SPAG16: variants seen among roughly 807,000 people sequenced by gnomAD.
SPAG16 encodes the protein sperm-associated antigen 16 protein.
A neutral mutation model predicts 80.4 loss-of-function variants in SPAG16; 86 were observed. The ratio of observed to expected loss-of-function variants is 1.07; its 90% CI spans 0.90 to 1.28. The LOEUF is 1.28. Ranked by LOEUF, SPAG16 falls within the 50% of genes most tolerant of loss-of-function variation. The pLI, the probability that SPAG16 is intolerant of heterozygous loss-of-function variation, is 0.00. For missense variants in SPAG16, 870 were observed against 765.3 expected (o/e 1.14, Z -1.61); for synonymous variants, 294 against 265.9 (o/e 1.11, Z -1.03).
At chr2:213,676,499 G>A (rs1169443150) in intron 10 of SPAG16, among the ~76,000 whole-genome samples, 2 of 151,590 alleles carry the variant, frequency 1.3e-5, no homozygotes, top group Non-Finnish European at 2.9e-5. Context: ...TGCCCATTCA[G>A]TATGATATTG....
chr2:213,566,432 T>A (rs1390347744), intron 10 of SPAG16, among the ~76,000 whole-genome samples: 1 of 152,208 alleles, frequency 6.6e-6, no homozygotes, highest in Non-Finnish European at 1.5e-5. Context: ...TCAATTTTTT[T>A]ATTCTTTAAT....
intron 15 of SPAG16, among the ~76,000 whole-genome samples, chr2:214,350,476 T>G (rs1487004119): frequency 2.6e-5 from 4 of 152,248 alleles, no homozygotes; most frequent in Non-Finnish European, 5.9e-5. Context: ...AAGAACCATC[T>G]TGAGTAGATA....
rs557500423 is a variant in SPAG16, at chr2:214,108,601, T to C, written c.1593+340T>C. On this transcript the variant is annotated intron_variant, in intron 14 of 15. Transcript: ENST00000331683. Reference sequence around the variant, plus strand: ...GGGCTTCAAAAAAATAGGTGGGCTATAGACTGCATAAAATTTTAATGAAAA... The same window carrying C: ...GGGCTTCAAAAAAATAGGTGGGCTACAGACTGCATAAAATTTTAATGAAAA... Among the ~76,000 whole-genome samples, 16 of 152,216 alleles carry C rather than the reference T, an allele frequency of 1.1e-4. No individual in the cohort carries two copies. The South Asian group carries it at 3.1e-3, about 30-fold the overall frequency.
chr2:214,070,557 C>A (rs1327805578), intron 13 of SPAG16, among the ~76,000 whole-genome samples: 1 of 151,902 alleles, frequency 6.6e-6, no homozygotes, highest in African/African-American at 2.4e-5. Context: ...TTGTTTTACT[C>A]CAGTATTAGG....
chr2:213,935,170 C>A (rs2078935352), intron 12 of SPAG16, among the ~76,000 whole-genome samples: 1 of 148,442 alleles, frequency 6.7e-6, no homozygotes, highest in Non-Finnish European at 1.5e-5. Flanking sequence ...CCACTGCACT[C>A]CAGCCTGGGC....
At chr2:213,902,824 G>A (rs548326194) in intron 11 of SPAG16, among the ~76,000 whole-genome samples, 38 of 152,314 alleles carry the variant, frequency 2.5e-4, no homozygotes, top group Middle Eastern at 6.8e-3. Flanking sequence ...AAAATCAAAA[G>A]CAAGCTACTT....
At chr2:213,910,462 A>G (rs890268364) in intron 11 of SPAG16, among the ~76,000 whole-genome samples, 1 of 152,124 alleles carries the variant, frequency 6.6e-6, no homozygotes, top group African/African-American at 2.4e-5. Flanking sequence ...GGTGGAAATA[A>G]TTAAAAATTT....
At chr2:213,946,252 C>T (rs574937121) in intron 12 of SPAG16, among the ~76,000 whole-genome samples, 1 of 152,102 alleles carries the variant, frequency 6.6e-6, no homozygotes, top group Non-Finnish European at 1.5e-5. Context: ...GCAGCTGGAA[C>T]TACTGGTGCA....
At chr2:214,287,227 C>G (rs968421610) in intron 15 of SPAG16, among the ~76,000 whole-genome samples, 1 of 152,164 alleles carries the variant, frequency 6.6e-6, no homozygotes, top group Non-Finnish European at 1.5e-5. Flanking sequence ...TTGCTGAACT[C>G]TATCTGTACA....
At chr2:213,851,163 G>C (rs2074884694) in intron 10 of SPAG16, among the ~76,000 whole-genome samples, 1 of 152,096 alleles carries the variant, frequency 6.6e-6, no homozygotes, top group African/African-American at 2.4e-5. Flanking sequence ...TTTTACATTG[G>C]ACGAGAAAGA....
intron 15 of SPAG16, among the ~76,000 whole-genome samples, chr2:214,273,608 A>T (rs934316178): frequency 6.6e-6 from 1 of 151,790 alleles, no homozygotes; most frequent in African/African-American, 2.4e-5. Context: ...ATTATTGTAG[A>T]TGTGTGGTGT....
chr2:214,050,852 A>C (rs762012437), intron 13 of SPAG16, among the ~76,000 whole-genome samples: 1 of 152,178 alleles, frequency 6.6e-6, no homozygotes, highest in Non-Finnish European at 1.5e-5. Flanking sequence ...TTGTAAAAAA[A>C]GATCAACCTG....
At chr2:213,430,166 C>A (rs369598507) in intron 9 of SPAG16, among the ~76,000 whole-genome samples, 1 of 149,840 alleles carries the variant, frequency 6.7e-6, no homozygotes, top group African/African-American at 2.5e-5. Flanking sequence ...CACAGAACTT[C>A]TGGAAATGAA....
intron 15 of SPAG16, among the ~76,000 whole-genome samples, chr2:214,337,236 GA>G (rs1220206746): frequency 6.6e-6 from 1 of 151,806 alleles, no homozygotes; most frequent in Non-Finnish European, 1.5e-5. Flanking sequence ...ACCATTTAAA[GA>G]AAAAAAGAGA....
intron 12 of SPAG16, among the ~76,000 whole-genome samples, chr2:213,985,880 G>A (rs1477353385): frequency 6.6e-6 from 1 of 152,026 alleles, no homozygotes; most frequent in Admixed American, 6.6e-5. Context: ...TGCAAGGAAT[G>A]GCCCTCCAAC....
At chr2:213,903,151 A>G (rs934778755) in intron 11 of SPAG16, among the ~76,000 whole-genome samples, 3 of 152,060 alleles carry the variant, frequency 2.0e-5, no homozygotes, top group Non-Finnish European at 2.9e-5. Context: ...CTGTCAGTGG[A>G]TCTACCATGC....
intron 15 of SPAG16, among the ~76,000 whole-genome samples, chr2:214,244,008 C>T (rs1689670311): frequency 6.6e-6 from 1 of 152,018 alleles, no homozygotes; most frequent in Non-Finnish European, 1.5e-5. Context: ...TTAAAACTTT[C>T]ACAGCCATTT....
chr2:213,363,443 A>G (rs2066108014), intron 7 of SPAG16, among the ~76,000 whole-genome samples: 1 of 152,112 alleles, frequency 6.6e-6, no homozygotes, highest in South Asian at 2.1e-4. Flanking sequence ...AAAAGTGTGT[A>G]TCTGTATGTA....
At chr2:213,848,976 G>A (rs972971980) in intron 10 of SPAG16, among the ~76,000 whole-genome samples, 2 of 152,114 alleles carry the variant, frequency 1.3e-5, no homozygotes, top group African/African-American at 2.4e-5. Context: ...ATTTCAATAT[G>A]TGCCTCAAAT....
Sources: gnomAD v4.1 joint callset for allele counts (sites outside exome capture counted in the v4.1 genomes callset) on GRCh38, gnomAD v4.1.1 for gene constraint, MANE v1.5 for transcripts, NCBI Gene and HGNC (gene_info 2026-07-23, HGNC 2026-07-21) for gene names.